The following ENSA variants were observed in gnomAD, a reference collection of about 807,000 sequenced individuals.
ENSA encodes alpha-endosulfine.
A neutral mutation model predicts 16.8 loss-of-function variants in ENSA; 7 were observed. The observed-to-expected ratio is 0.42, with a 90% CI of 0.24 to 0.78. The LOEUF is 0.78. Among genes scored for constraint, ENSA ranks in the 30% least tolerant of loss-of-function variants. ENSA has a pLI of 0.29. For missense variants in ENSA, 87 were observed against 142.3 expected (o/e 0.61, Z 1.98); for synonymous variants, 58 against 53.4 (o/e 1.09, Z -0.37).
At chr1:150,629,180 G>C in intron 1 of ENSA, 1 of 1,612,472 alleles carries the variant, frequency 6.2e-7, no homozygotes, top group Admixed American at 1.7e-5. Context: ...AGCGTCCAAG[G>C]TTTGAGCGGT....
chr1:150,625,971 T>TGTAC (rs1649279280), intron 2 of ENSA, among the ~76,000 whole-genome samples, 163 bp from the exon 3 acceptor site: 1 of 152,204 alleles, frequency 6.6e-6, no homozygotes, highest in Non-Finnish European at 1.5e-5. Context: ...ATTAATTACA[T>TGTAC]GTACTTATGT....
At chr1:150,629,172 C>T (rs1312878897) in intron 1 of ENSA, 2 of 1,613,212 alleles carry the variant, frequency 1.2e-6, no homozygotes, top group Admixed American at 1.7e-5. Flanking sequence ...TATAGCACAG[C>T]GTCCAAGGTT....
intron 3 of ENSA, chr1:150,624,340 CA>C (rs1649157696): frequency 1.0e-6 from 1 of 985,798 alleles, no homozygotes; most frequent in Non-Finnish European, 1.2e-6. Context: ...TCCAGCCCTG[CA>C]GGAGTACTCA....
intron 1 of ENSA, 77 bp from the exon 2 acceptor site, chr1:150,627,669 A>G: frequency 1.4e-6 from 2 of 1,452,878 alleles, no homozygotes; most frequent in African/African-American, 1.4e-5. Context: ...CAACTATACT[A>G]TCAACTTCTC....
chr1:150,624,901 G>A lies in ENSA; in HGVS notation c.350+741C>T, dbSNP rs904886130. ...TTAATCAAGGTTATACAACAGCTCT[G>A]CTGGGACTGAGTAGAGTGAGAACCC... On this transcript the variant is annotated intron_variant, in intron 3 of 3. Coordinates refer to ENST00000369014, the MANE Select transcript of ENSA (RefSeq NM_004436.4). The A allele has an allele frequency of 7.2e-6, 7 of 966,822 alleles. No homozygotes were observed. The Admixed American group carries it at 4.3e-4, about 60-fold the overall frequency. The allele number at this position is 966,822 out of a possible 1,614,324, so 59.9% of individuals were successfully genotyped here.
At chr1:150,621,733 T>G (rs1225309318), downstream of ENSA, 3 of 152,168 alleles carry the variant, frequency 2.0e-5, no homozygotes, top group Non-Finnish European at 4.4e-5. Context: ...GACTTGAGTT[T>G]CTTTTGGCTT....
chr1:150,624,826 T>C (rs1443326590), intron 3 of ENSA: 13 of 981,442 alleles, frequency 1.3e-5, no homozygotes, highest in Non-Finnish European at 1.3e-5. Context: ...TACATACATT[T>C]AACTCTATTT....
Position 150,627,555 on chromosome 1 carries a change from GCT to G in ENSA, c.93_94del (p.Arg31SerfsTer2). On this transcript the variant is annotated frameshift_variant, in exon 2 of 4. Transcript: ENST00000369014. LOFTEE classifies it high-confidence loss of function. ...TTTGGCCTTTAGCTTTGCCTCTTCAGCTCTCTCAGGCAGAATACCTTCTTTCT... is the reference window on the plus strand; with the variant it reads ...TTTGGCCTTTAGCTTTGCCTCTTCAGCTCTCAGGCAGAATACCTTCTTTCT... 6.2e-7 allele frequency: 1 copy of G among 1,613,648 alleles called. No homozygotes were observed. The highest frequency in any genetic ancestry group is 8.5e-7 in the Non-Finnish European group (1 of 1,179,856).
intron 2 of ENSA, 84 bp from the exon 3 acceptor site, chr1:150,625,892 A>G: frequency 6.7e-7 from 1 of 1,496,406 alleles, no homozygotes; most frequent in Non-Finnish European, 8.9e-7. Flanking sequence ...CATCCATTAT[A>G]AACCCTCATG....
chr1:150,625,048 T>C, intron 3 of ENSA: 5 of 985,342 alleles, frequency 5.1e-6, no homozygotes, highest in Non-Finnish European at 6.0e-6. Context: ...AATCTTTATA[T>C]TATTTGAGAG....
At position 150,627,558 on chromosome 1, in the gene ENSA, C is replaced by G. The variant is rs1274323714; in HGVS notation, c.92G>C (p.Arg31Thr). The change falls in exon 2 of 4, where the codon AGA (arginine) becomes ACA (threonine). Residue 31 changes from arginine to threonine, a missense_variant. Arg to Thr is a moderately conservative substitution (Grantham distance 71, BLOSUM62 -1). Coordinates refer to ENST00000369014, the MANE Select transcript of ENSA (RefSeq NM_004436.4). ...GGCCTTTAGCTTTGCCTCTTCAGCT[C>G]TCTCAGGCAGAATACCTTCTTTCTC... ...TQEKEGILPERAEEAKLKAKY... is the reference protein window; with the variant it reads ...TQEKEGILPETAEEAKLKAKY... 1.2e-6 allele frequency: 2 copies of G among 1,613,672 alleles called. No homozygotes were observed. The highest frequency in any genetic ancestry group is 2.2e-5 in the East Asian group (1 of 44,888).
chr1:150,625,678 T>TG lies in ENSA; in HGVS notation c.313dup (p.Gln105ProfsTer17), dbSNP rs758637615. The TG allele has an allele frequency of 6.2e-7, 1 of 1,611,204 alleles. No homozygotes were observed. Among genetic ancestry groups the TG allele is most frequent in the East Asian group, 2.2e-5 (1 of 44,668 alleles). ...GCTGGTGACGAGCGAGGACTTTCTC[T>TG]GGGGCAGATCCTGTGGGGTGGGGAT... On this transcript the variant is annotated frameshift_variant, in exon 3 of 4. Transcript: ENST00000369014. LOFTEE classifies it high-confidence loss of function.
intron 1 of ENSA, 147 bp downstream of exon 1, chr1:150,629,267 C>G (rs1266050094): frequency 6.7e-7 from 1 of 1,500,770 alleles, no homozygotes; most frequent in African/African-American, 1.4e-5. Context: ...AGCAGCATGT[C>G]GTGTTGAAGC....
chr1:150,627,554 A>T lies in ENSA; in HGVS notation c.96T>A (p.Ala32=). 6.2e-7 allele frequency: 1 copy of T among 1,613,942 alleles called. No individual in the cohort carries two copies. Reference sequence around the variant, plus strand: ...ATTTGGCCTTTAGCTTTGCCTCTTCAGCTCTCTCAGGCAGAATACCTTCTT... The same window carrying T: ...ATTTGGCCTTTAGCTTTGCCTCTTCTGCTCTCTCAGGCAGAATACCTTCTT... ...QEKEGILPER[A]EEAKLKAKYP... is the part of the protein sequence containing the mutation. The change falls in exon 2 of 4, where the codon GCT becomes GCA. Residue 32 remains alanine, a synonymous_variant. Coordinates refer to ENST00000369014, the MANE Select transcript of ENSA (RefSeq NM_004436.4).
At chr1:150,623,174 C>T in intron 3 of ENSA, 4 of 1,174,560 alleles carry the variant, frequency 3.4e-6, no homozygotes, top group Non-Finnish European at 2.1e-6. Flanking sequence ...CTGCCTGGCT[C>T]AGAGCAGGCT....
At chr1:150,626,189 A>G (rs970304436) in intron 2 of ENSA, among the ~76,000 whole-genome samples, 10 of 152,254 alleles carry the variant, frequency 6.6e-5, no homozygotes, top group Admixed American at 3.9e-4. Context: ...ACAGAAATGA[A>G]TAAGATATAG....
intron 3 of ENSA, 86 bp downstream of exon 3, chr1:150,625,556 T>C (rs1328032638): frequency 3.4e-6 from 5 of 1,467,362 alleles, no homozygotes; most frequent in Non-Finnish European, 4.5e-6. Flanking sequence ...GCTGAGAAGA[T>C]CTGACTAGGT....
At chr1:150,626,698 A>G (rs1196190929) in intron 2 of ENSA, among the ~76,000 whole-genome samples, 1 of 152,142 alleles carries the variant, frequency 6.6e-6, no homozygotes, top group Non-Finnish European at 1.5e-5. Flanking sequence ...CTGGGACTAC[A>G]GGCGCCCGCC....
At chr1:150,623,478 C>T (rs1649094579) in intron 3 of ENSA, 1 of 985,642 alleles carries the variant, frequency 1.0e-6, no homozygotes, top group African/African-American at 1.7e-5. Context: ...TTTCTGATTT[C>T]CCTGCTCCTC....
Sources: gnomAD v4.1 joint callset for allele counts (sites outside exome capture counted in the v4.1 genomes callset) on GRCh38, gnomAD v4.1.1 for gene constraint, MANE v1.5 for transcripts, NCBI Gene and HGNC (gene_info 2026-07-23, HGNC 2026-07-21) for gene names.